FAM20B: variants seen among roughly 807,000 people sequenced by gnomAD.
FAM20B encodes FAM20B glycosaminoglycan xylosylkinase.
Under a neutral mutation model 43.8 loss-of-function variants are expected in FAM20B, and 23 were observed. The ratio of observed to expected loss-of-function variants is 0.53; its 90% CI spans 0.38 to 0.74. FAM20B has a LOEUF of 0.74. FAM20B is among the 30% of genes least tolerant of loss of function. FAM20B has a pLI of 0.00. For synonymous variants in FAM20B, 178 were observed against 192.4 expected, an observed-to-expected ratio of 0.93 and a Z score of 0.62; for missense variants, 440 against 510.5, an observed-to-expected ratio of 0.86 and a Z score of 1.33.
chr1:179,065,132 C>T (rs1296403595), intron 6 of FAM20B, among the ~76,000 whole-genome samples: 1 of 151,324 alleles, frequency 6.6e-6, no homozygotes, highest in East Asian at 1.9e-4. Flanking sequence ...CTGTGGTGGC[C>T]GGTTTAGTGC....
chr1:179,062,162 A>C lies in FAM20B; in HGVS notation c.575-1765A>C, dbSNP rs114716124. 6.8e-3 allele frequency among the ~76,000 whole-genome samples: 1,025 copies of C among 151,778 alleles called. 11 individuals carry two copies. The highest frequency in any genetic ancestry group is 0.024 in the African/African-American group (977 of 41,348). On this transcript the variant is annotated intron_variant, in intron 4 of 7. Coordinates refer to ENST00000263733, the MANE Select transcript of FAM20B (RefSeq NM_014864.4). ...GTTGGAATTACAGGTGCACACCACT[A>C]CTCCTTAATTCCTTTTAATGTGGTA...
At chr1:179,020,002 C>T in the FAM20B span, among the ~76,000 whole-genome samples, 3 of 152,218 alleles carry the variant, frequency 2.0e-5, no homozygotes, top group Non-Finnish European at 4.4e-5. Flanking sequence ...TATAGTCCCA[C>T]TGTGTTGAGT....
At chr1:179,062,762 G>T (rs890721785) in intron 4 of FAM20B, among the ~76,000 whole-genome samples, 1 of 152,138 alleles carries the variant, frequency 6.6e-6, no homozygotes, top group Non-Finnish European at 1.5e-5. Flanking sequence ...CTTTCTGTAT[G>T]TTTAACTCTC....
intron 2 of FAM20B, among the ~76,000 whole-genome samples, chr1:179,050,043 C>T (rs1395843039): frequency 6.6e-6 from 1 of 152,132 alleles, no homozygotes; most frequent in African/African-American, 2.4e-5. Context: ...TGACAGCTTC[C>T]ATGTTTTATT....
chr1:179,064,181 C>T lies in FAM20B; in HGVS notation c.746+83C>T, dbSNP rs181895952. ...TCTGTAAAGGAGCCAGCAGTTCTGTCCAAGAGTGAAAAGAACTGTGGAGTC... is the reference window on the plus strand; with the variant it reads ...TCTGTAAAGGAGCCAGCAGTTCTGTTCAAGAGTGAAAAGAACTGTGGAGTC... On this transcript the variant is annotated intron_variant, in intron 5 of 7. Coordinates refer to ENST00000263733, the MANE Select transcript of FAM20B (RefSeq NM_014864.4). 6.1e-3 allele frequency: 8,737 copies of T among 1,430,134 alleles called. 51 individuals carry two copies. Among genetic ancestry groups the T allele is most frequent in the Non-Finnish European group, 6.1e-3 (6,337 of 1,040,590 alleles). The allele number at this position is 1,430,134 out of a possible 1,614,324, so 88.6% of individuals were successfully genotyped here.
chr1:179,071,519 C>T (rs1008535547), intron 7 of FAM20B, among the ~76,000 whole-genome samples: 6 of 152,122 alleles, frequency 3.9e-5, no homozygotes, highest in South Asian at 2.1e-4. Flanking sequence ...CTCTTCCCCC[C>T]ACCCAGCATC....
intron 1 of FAM20B, among the ~76,000 whole-genome samples, chr1:179,029,015 C>T (rs747928498): frequency 9.9e-5 from 15 of 152,216 alleles, no homozygotes; most frequent in Non-Finnish European, 1.8e-4. Context: ...CTGGCAGTAG[C>T]CTGTGCAGGT....
At chr1:179,022,280 G>A (rs996402867), upstream of FAM20B, among the ~76,000 whole-genome samples, 18 of 152,210 alleles carry the variant, frequency 1.2e-4, no homozygotes, top group Non-Finnish European at 2.4e-4. Flanking sequence ...AGATATGTGT[G>A]CTCCTTTACT....
chr1:179,043,886 C>T lies in FAM20B; in HGVS notation c.39C>T (p.Leu13=). Residue 13 remains leucine (L), a synonymous_variant, in exon 2 of 8, where the codon CTC becomes CTT. Coordinates refer to ENST00000263733, the MANE Select transcript of FAM20B (RefSeq NM_014864.4). ...LKQRVVLLAI[L]LVIFIFTKVF... is the part of the protein sequence containing the mutation. Reference sequence around the variant, plus strand: ...AGCGAGTCGTGCTGTTAGCAATTCTCCTTGTCATTTTTATCTTCACCAAAG... The same window carrying T: ...AGCGAGTCGTGCTGTTAGCAATTCTTCTTGTCATTTTTATCTTCACCAAAG... The T allele has an allele frequency of 6.2e-7, 1 of 1,609,286 alleles. No individual in the cohort carries two copies. Among genetic ancestry groups the T allele is most frequent in the Non-Finnish European group, 8.5e-7 (1 of 1,175,870 alleles).
chr1:179,056,341 C>T (rs1244093911), intron 4 of FAM20B, among the ~76,000 whole-genome samples: 1 of 152,218 alleles, frequency 6.6e-6, no homozygotes, highest in Non-Finnish European at 1.5e-5. Context: ...GATCTTTTTA[C>T]TGTCTGCATA....
At chr1:179,066,664 T>A (rs1371578783) in intron 6 of FAM20B, 136 bp from the exon 7 acceptor site, 1 of 653,772 alleles carries the variant, frequency 1.5e-6, no homozygotes, top group African/African-American at 1.8e-5. Flanking sequence ...TGTTTTCAAT[T>A]TAAGTGATTT....
At position 179,064,078 on chromosome 1, in the gene FAM20B, C is replaced by T. The variant is rs1651589978; in HGVS notation, c.726C>T (p.Tyr242=). The T allele has an allele frequency of 1.2e-6, 2 of 1,609,946 alleles. No homozygotes were observed. The highest frequency in any genetic ancestry group is 1.7e-6 in the Non-Finnish European group (2 of 1,178,888). Reference sequence around the variant, plus strand: ...ACCGTCACCCATGGGGCAGGACTTACCGAGAAGGCAAATTGGCCAGGTAAA... The same window carrying T: ...ACCGTCACCCATGGGGCAGGACTTATCGAGAAGGCAAATTGGCCAGGTAAA... ...QKHRHPWGRT[Y]REGKLARWEY... Residue 242 remains tyrosine, a synonymous_variant, in exon 5 of 8, where the codon TAC becomes TAT. Transcript: ENST00000263733.
intron 7 of FAM20B, among the ~76,000 whole-genome samples, chr1:179,069,591 C>G (rs149514260): frequency 6.6e-6 from 1 of 152,154 alleles, no homozygotes; most frequent in East Asian, 1.9e-4. Flanking sequence ...GGGCTGGTCT[C>G]GAACTCCTGA....
intron 2 of FAM20B, among the ~76,000 whole-genome samples, chr1:179,044,464 C>A (rs1321982811): frequency 6.6e-6 from 1 of 152,186 alleles, no homozygotes; most frequent in Non-Finnish European, 1.5e-5. Context: ...TCCCTCTCTG[C>A]CCCAGAACAC....
chr1:179,040,711 A>AC (rs1233682022), intron 1 of FAM20B, among the ~76,000 whole-genome samples: 1 of 72,868 alleles, frequency 1.4e-5, no homozygotes, highest in Admixed American at 1.3e-4. Flanking sequence ...GCGGGGGCTG[A>AC]CCCCCCACCT....
chr1:179,044,169 C>G lies in FAM20B; in HGVS notation c.322C>G (p.Leu108Val). Reference sequence around the variant, plus strand: ...TGATGTGGGTTATAAAGGGACACAGCTGAAAGCCTTACTGATACTTGAAGG... The same window carrying G: ...TGATGTGGGTTATAAAGGGACACAGGTGAAAGCCTTACTGATACTTGAAGG... The part of the protein sequence containing the change: ...KADVGYKGTQ[L>V]KALLILEGGQ... Residue 108 changes from leucine (L) to valine (V), a missense_variant, in exon 2 of 8, where the codon CTG becomes GTG. Physicochemically the swap from Leu to Val is conservative, Grantham distance 32. Transcript: ENST00000263733. 1 of 1,614,052 alleles carries G rather than the reference C, an allele frequency of 6.2e-7. No homozygotes were observed. The highest frequency in any genetic ancestry group is 8.5e-7 in the Non-Finnish European group (1 of 1,179,986).
intron 1 of FAM20B, among the ~76,000 whole-genome samples, chr1:179,037,327 G>A (rs6425513): frequency 0.71 from 107,877 of 151,788 alleles, 39,493 homozygotes; most frequent in African/African-American, 0.89. Flanking sequence ...TGTGGTGACT[G>A]TAATCACAAA....
intron 5 of FAM20B, 50 bp downstream of exon 5, chr1:179,064,148 G>A (rs1384568440): frequency 2.0e-6 from 3 of 1,524,456 alleles, no homozygotes; most frequent in Non-Finnish European, 2.7e-6. Context: ...GCCTAGCCAG[G>A]TGCCAACTCT....
intron 3 of FAM20B, among the ~76,000 whole-genome samples, chr1:179,050,658 C>T (rs1650968133): frequency 6.6e-6 from 1 of 152,178 alleles, no homozygotes; most frequent in African/African-American, 2.4e-5. Flanking sequence ...ACTTAAATCT[C>T]TGAATTGAAC....
Sources: allele counts gnomAD v4.1 joint callset (sites outside exome capture counted in the v4.1 genomes callset), GRCh38; gene constraint gnomAD v4.1.1; transcripts MANE v1.5; gene names NCBI Gene and HGNC (gene_info 2026-07-23, HGNC 2026-07-21).